The following USP46 variants were observed in gnomAD, a reference collection of about 807,000 sequenced individuals.
The protein encoded by USP46 is ubiquitin carboxyl-terminal hydrolase 46.
In USP46, 12 loss-of-function variants were observed where a neutral mutation model predicts 44.4. The observed-to-expected ratio is 0.27, with a 90% CI of 0.17 to 0.44. The LOEUF is 0.44. USP46 is among the 20% of genes least tolerant of loss of function. USP46 has a pLI of 1.00. For synonymous variants in USP46, 155 were observed against 161.5 expected, an observed-to-expected ratio of 0.96 and a Z score of 0.31; for missense variants, 248 against 444.8, an observed-to-expected ratio of 0.56 and a Z score of 3.98.
At chr4:52,598,527 T>G in intron 8 of USP46, 101 bp downstream of exon 8, 1 of 1,216,622 alleles carries the variant, frequency 8.2e-7, no homozygotes, top group Non-Finnish European at 1.2e-6. Flanking sequence ...TCAAATTACA[T>G]TATGGGGAAA....
At chr4:52,632,079 T>C (rs1717849064) in intron 1 of USP46, among the ~76,000 whole-genome samples, 1 of 151,702 alleles carries the variant, frequency 6.6e-6, no homozygotes, top group African/African-American at 2.4e-5. Flanking sequence ...GAGAGGTAAG[T>C]GAGGTAAGTA....
chr4:52,614,170 A>G (rs1035815039), intron 4 of USP46, among the ~76,000 whole-genome samples: 1 of 152,222 alleles, frequency 6.6e-6, no homozygotes, highest in African/African-American at 2.4e-5. Context: ...AAAAATTAAC[A>G]GATACTCAGG....
At chr4:52,630,986 G>A in intron 2 of USP46, 78 bp downstream of exon 2, 2 of 1,222,198 alleles carry the variant, frequency 1.6e-6, no homozygotes, top group Admixed American at 2.2e-5. Context: ...AATTGGTAGT[G>A]ATAAAAATGC....
chr4:52,594,106 C>T lies in USP46; in HGVS notation c.*3534G>A, dbSNP rs200981420. On this transcript the variant is annotated 3_prime_UTR_variant, in exon 9 of 9. Transcript: ENST00000441222. ...GGACATAAGACCTGCCACTGACTCA[C>T]ACTTTATAAAAAGGATTTTAAGTCC... The T allele has an allele frequency of 6.6e-6, 1 of 152,190 alleles. No homozygotes were observed. Among genetic ancestry groups the T allele is most frequent in the East Asian group, 1.9e-4 (1 of 5,206 alleles). The allele number at this position is 152,190 out of a possible 1,614,324, so 9.4% of individuals were successfully genotyped here. A position where few individuals can be genotyped will look rare whatever the true frequency, so the allele number is the denominator to read the frequency against.
chr4:52,638,853 A>C (rs1718223076), intron 1 of USP46, among the ~76,000 whole-genome samples: 1 of 151,916 alleles, frequency 6.6e-6, no homozygotes, highest in Non-Finnish European at 1.5e-5. Flanking sequence ...TTGGAAACAT[A>C]TGTTCGTGCT....
At chr4:52,652,171 C>T (rs897339776) in intron 1 of USP46, among the ~76,000 whole-genome samples, 13 of 152,136 alleles carry the variant, frequency 8.5e-5, no homozygotes, top group African/African-American at 3.1e-4. Context: ...AGGAAAAGTG[C>T]AAATTTTAAA....
At position 52,615,611 on chromosome 4, in the gene USP46, T is replaced by G. The variant is rs73152467; in HGVS notation, c.562-4994A>C. 6.3e-3 allele frequency among the ~76,000 whole-genome samples: 953 copies of G among 152,278 alleles called. 1 individual carries two copies. Among genetic ancestry groups the G allele is most frequent in the African/African-American group, 0.018 (744 of 41,560 alleles). On this transcript the variant is annotated intron_variant, in intron 4 of 8. Transcript: ENST00000441222. ...ATGAATCTCAAAAACGTTATGTAAG[T>G]GAAGGAAGTCATACATAAAAGACCA...
At chr4:52,632,991 AAAG>A (rs1181855744) in intron 1 of USP46, among the ~76,000 whole-genome samples, 2 of 27,272 alleles carry the variant, frequency 7.3e-5, no homozygotes, top group East Asian at 7.3e-4. Context: ...AAAGAAAAGA[AAAG>A]AAAGAAAGAA....
At chr4:52,607,466 T>C (rs1397856899) in intron 5 of USP46, among the ~76,000 whole-genome samples, 1 of 152,090 alleles carries the variant, frequency 6.6e-6, no homozygotes, top group African/African-American at 2.4e-5. Context: ...AGAGCAGAGG[T>C]TGGGAGAAAA....
At chr4:52,627,803 G>A (rs998615766) in intron 3 of USP46, 147 bp downstream of exon 3, 2 of 903,664 alleles carry the variant, frequency 2.2e-6, no homozygotes, top group Admixed American at 2.9e-5. Flanking sequence ...GAGAAGAAAT[G>A]TTGTTTCTTA....
At chr4:52,638,837 G>A (rs149580329) in intron 1 of USP46, among the ~76,000 whole-genome samples, 1 of 152,016 alleles carries the variant, frequency 6.6e-6, no homozygotes, top group Admixed American at 6.6e-5. Flanking sequence ...CCATGTGCAT[G>A]ATAATTTGGA....
intron 4 of USP46, among the ~76,000 whole-genome samples, chr4:52,612,300 C>T (rs1261594096): frequency 6.6e-6 from 1 of 152,218 alleles, no homozygotes; most frequent in Non-Finnish European, 1.5e-5. Flanking sequence ...CCTCCCTTGG[C>T]ATTCTCTACC....
intron 4 of USP46, 35 bp downstream of exon 4, chr4:52,625,983 C>T (rs1717568392): frequency 6.4e-7 from 1 of 1,571,262 alleles, no homozygotes; most frequent in Non-Finnish European, 8.7e-7. Flanking sequence ...TAAATATGAA[C>T]ATGCGAGCTA....
At chr4:52,609,174 G>A (rs1421061618) in intron 5 of USP46, among the ~76,000 whole-genome samples, 2 of 152,106 alleles carry the variant, frequency 1.3e-5, no homozygotes, top group African/African-American at 4.8e-5. Context: ...CTCCAGACCT[G>A]TATCCTGAAT....
intron 1 of USP46, among the ~76,000 whole-genome samples, chr4:52,648,445 T>C (rs2109663997): frequency 6.6e-6 from 1 of 152,292 alleles, no homozygotes; most frequent in East Asian, 1.9e-4. Context: ...TTTGCAGATG[T>C]TTCAGAATAA....
intron 1 of USP46, chr4:52,658,057 T>G: frequency 2.8e-6 from 1 of 355,810 alleles, no homozygotes; most frequent in South Asian, 2.1e-5. Flanking sequence ...CAAGGGAGGT[T>G]TTCCTCAAAC....
At chr4:52,618,657 C>G (rs781377516) in intron 4 of USP46, among the ~76,000 whole-genome samples, 3 of 152,160 alleles carry the variant, frequency 2.0e-5, no homozygotes, top group Non-Finnish European at 4.4e-5. Context: ...GGTGGCTGTT[C>G]TGCACTGTTC....
intron 4 of USP46, among the ~76,000 whole-genome samples, chr4:52,612,384 T>C (rs1040616904): frequency 6.6e-6 from 1 of 152,236 alleles, no homozygotes; most frequent in East Asian, 1.9e-4. Context: ...ATCCTCACCA[T>C]TGCCTCTACT....
intron 2 of USP46, among the ~76,000 whole-genome samples, chr4:52,629,955 C>T (rs2109635245): frequency 6.6e-6 from 1 of 152,320 alleles, no homozygotes; most frequent in Non-Finnish European, 1.5e-5. Context: ...ATATCATGGG[C>T]AGCATTTACT....
Sources: gnomAD v4.1 joint callset for allele counts (sites outside exome capture counted in the v4.1 genomes callset) on GRCh38, gnomAD v4.1.1 for gene constraint, MANE v1.5 for transcripts, NCBI Gene and HGNC (gene_info 2026-07-23, HGNC 2026-07-21) for gene names.